Variants in DEF8 observed in about 807,000 individuals in gnomAD.
DEF8 encodes the protein differentially expressed in FDCP 8 homolog.
DEF8 carries 38 observed loss-of-function variants against 59.1 expected under a neutral mutation model. The observed-to-expected ratio is 0.64, with a 90% CI of 0.50 to 0.84. DEF8 has a LOEUF of 0.84. Among genes scored for constraint, DEF8 ranks in the 40% least tolerant of loss-of-function variants. The probability of loss-of-function intolerance (pLI) is 0.00; values close to 1 mark genes in which losing one functional copy is unlikely to be tolerated. For missense variants in DEF8, 557 were observed against 615.2 expected, an observed-to-expected ratio of 0.91 and a Z score of 1.00; for synonymous variants, 265 against 250.1, an observed-to-expected ratio of 1.06 and a Z score of -0.56.
Position 89,959,168 on chromosome 16 carries a change from C to G in DEF8, c.514+13C>G. On this transcript the variant is annotated intron_variant, in intron 6 of 12. Transcript: ENST00000563594. ...TACACCTGCACAGGTGGGCCGAGAC[C>G]CAGACGAGGAGTGAGGAATGAGAGA... 6.2e-7 allele frequency: 1 copy of G among 1,613,894 alleles called. No homozygotes were observed. The highest frequency in any genetic ancestry group is 8.5e-7 in the Non-Finnish European group (1 of 1,180,030).
Position 89,955,246 on chromosome 16 carries a change from G to T in DEF8, c.202G>T (p.Asp68Tyr). 3 of 1,613,524 alleles carry T rather than the reference G, an allele frequency of 1.9e-6. No individual in the cohort carries two copies. Among genetic ancestry groups the T allele is most frequent in the Non-Finnish European group, 8.5e-7 (1 of 1,179,828 alleles). The change falls in exon 4 of 13, where the codon GAC becomes TAC. Residue 68 changes from aspartate (D) to tyrosine (Y), a missense_variant. Physicochemically the swap from Asp to Tyr is radical, Grantham distance 160. Transcript: ENST00000563594. ...ERVMDLGLSE[D>Y]HFSRPVGLFL... ...CGTGATGGATCTCGGCCTGTCTGAG[G>T]ACCACTTCTCCCGCCCTGTGGTAAG... is the stretch of plus-strand genomic sequence containing the variant.
rs372120789 is a variant in DEF8, at chr16:89,955,208, G to A, written c.164G>A (p.Arg55His). 32 of 1,613,688 alleles carry A rather than the reference G, an allele frequency of 2.0e-5. No individual in the cohort carries two copies. Among genetic ancestry groups the A allele is most frequent in the African/African-American group, 1.7e-4 (13 of 74,988 alleles). The change falls in exon 4 of 13, where the codon CGC (arginine) becomes CAC (histidine). Residue 55 changes from arginine (R) to histidine (H), a missense_variant. By Grantham distance (29) the Arg-to-His change is conservative (BLOSUM62 0). Coordinates refer to ENST00000563594, the MANE Select transcript of DEF8 (RefSeq NM_001242818.2). ...CTGCCCCCTGGGGAGCCGGAATTCC[G>A]CTGCCCTGAACGCGTGATGGATCTC... is the stretch of plus-strand genomic sequence containing the variant. ...PELPPGEPEF[R>H]CPERVMDLGL...
rs2151231125 is a variant in DEF8, at chr16:89,966,683, C to T, written c.*720C>T. 1 of 152,726 alleles carries T rather than the reference C, an allele frequency of 6.5e-6. No homozygotes were observed. The highest frequency in any genetic ancestry group is 3.4e-3 in the Middle Eastern group (1 of 292). 9.5% of individuals were successfully genotyped at this position (152,726 alleles called of 1,614,324 possible). On this transcript the variant is annotated 3_prime_UTR_variant, in exon 13 of 13. Coordinates refer to ENST00000563594, the MANE Select transcript of DEF8 (RefSeq NM_001242818.2). ...CCCTGCTGGGTGCTCCTGCTTTGGC[C>T]CAGCCCACCTTTCCTGGTGCTCCAA...
At chr16:89,958,772 TGCAAGGGATGCTGGGAAAGGTC>T (rs998603236) in intron 5 of DEF8, among the ~76,000 whole-genome samples, 3 of 152,184 alleles carry the variant, frequency 2.0e-5, no homozygotes, top group Non-Finnish European at 4.4e-5. Flanking sequence ...AGCCCCTCGC[TGCAAGGGATGCTGGGAAAGGTC>T]GCAAGGGATG....
Position 89,967,542 on chromosome 16 carries a change from C to A in DEF8, c.*1579C>A. The stretch of plus-strand genomic sequence containing the variant: ...GTGGAACGGTGAGCAGGGAACATGT[C>A]GGAGTCCTTCAGAGAATGTGATGTG... On this transcript the variant is annotated 3_prime_UTR_variant, in exon 13 of 13. Coordinates refer to ENST00000563594, the MANE Select transcript of DEF8 (RefSeq NM_001242818.2). The A allele has an allele frequency of 5.0e-6, 2 of 398,404 alleles. No individual in the cohort carries two copies. Among genetic ancestry groups the A allele is most frequent in the South Asian group, 2.6e-4 (2 of 7,662 alleles). 24.7% of individuals were successfully genotyped at this position (398,404 alleles called of 1,614,324 possible). A position where few individuals can be genotyped will look rare whatever the true frequency, so the allele number is the denominator to read the frequency against.
At position 89,957,536 on chromosome 16, in the gene DEF8, A is replaced by C; in HGVS notation, c.248A>C (p.Gln83Pro). Residue 83 changes from glutamine to proline, a missense_variant, in exon 5 of 13, where the codon CAG becomes CCG. Physicochemically the swap from Gln to Pro is moderately conservative, Grantham distance 76. Coordinates refer to ENST00000563594, the MANE Select transcript of DEF8 (RefSeq NM_001242818.2). ...PVGLFLASDVQQLRQAIEECK... is the reference protein window; with the variant it reads ...PVGLFLASDVPQLRQAIEECK... ...GGTCTGTTCCTGGCCTCTGACGTCC[A>C]GCAGCTGCGGCAGGCGATCGAGGAG... The C allele has an allele frequency of 1.3e-6, 2 of 1,592,624 alleles. No homozygotes were observed. Among genetic ancestry groups the C allele is most frequent in the African/African-American group, 1.3e-5 (1 of 74,708 alleles).
At position 89,966,285 on chromosome 16, in the gene DEF8, C is replaced by T. The variant is rs56919818; in HGVS notation, c.*322C>T. The stretch of plus-strand genomic sequence containing the variant: ...CCCCCATGGCACAGAGCCCTCCACA[C>T]CCCTGGACCAGGGCATCCGGGCCCT... On this transcript the variant is annotated 3_prime_UTR_variant, in exon 13 of 13. Coordinates refer to ENST00000563594, the MANE Select transcript of DEF8 (RefSeq NM_001242818.2). 3,574 of 228,814 alleles carry T rather than the reference C, an allele frequency of 0.016. 39 individuals are homozygous for T. Among genetic ancestry groups the T allele is most frequent in the African/African-American group, 0.037 (1,643 of 44,016 alleles). The allele number at this position is 228,814 out of a possible 1,614,324, so 14.2% of individuals were successfully genotyped here.
chr16:89,949,570 C>T (rs750808131), intron 2 of DEF8, 57 bp downstream of exon 2: 5 of 1,613,242 alleles, frequency 3.1e-6, no homozygotes, highest in South Asian at 1.1e-5. Context: ...CTCAGGTTCT[C>T]GGGGTGGCAG....
chr16:89,960,265 T>C (rs973997562), intron 6 of DEF8, among the ~76,000 whole-genome samples: 3 of 151,960 alleles, frequency 2.0e-5, no homozygotes, highest in Non-Finnish European at 4.4e-5. Context: ...GGGGGATGAC[T>C]CTGATTGGGC....
At position 89,957,636 on chromosome 16, in the gene DEF8, C is replaced by T; in HGVS notation, c.348C>T (p.Leu116=). The T allele has an allele frequency of 6.4e-7, 1 of 1,568,070 alleles. No homozygotes were observed. The highest frequency in any genetic ancestry group is 1.7e-4 in the Middle Eastern group (1 of 5,824). Residue 116 remains leucine (L), a synonymous_variant, in exon 5 of 13, where the codon CTC becomes CTT. Transcript: ENST00000563594. ...ATGCCGTGGTGCGACTCATCCACCT[C>T]CGGCTGAAGCTCCAGGAGCTGAAGG... ...QKDAVVRLIH[L]RLKLQELKDP...
chr16:89,961,872 T>TTGGAAGGTGGGGGC lies in DEF8; in HGVS notation c.807+9_807+22dup, dbSNP rs2151203070. 1 of 1,596,706 alleles carries TTGGAAGGTGGGGGC rather than the reference T, an allele frequency of 6.3e-7. No homozygotes were observed. The highest frequency in any genetic ancestry group is 2.2e-5 in the East Asian group (1 of 44,636). On this transcript the variant is annotated intron_variant, in intron 8 of 12. Transcript: ENST00000563594. ...GACTTTGAGCCTCGAAAGGTGGGGGTTGGAAGGTGGGGGCATCCCCCTGGG... is the reference window on the plus strand; with the variant it reads ...GACTTTGAGCCTCGAAAGGTGGGGGTTGGAAGGTGGGGGCTGGAAGGTGGGGGCATCCCCCTGGG...
chr16:89,962,774 T>G (rs1388801382), intron 9 of DEF8, among the ~76,000 whole-genome samples: 3 of 152,288 alleles, frequency 2.0e-5, no homozygotes, highest in African/African-American at 7.2e-5. Flanking sequence ...ATATTTGCTT[T>G]CTTTTTCTTT....
At chr16:89,963,777 GA>G in intron 10 of DEF8, 1 of 492,338 alleles carries the variant, frequency 2.0e-6, no homozygotes, top group Non-Finnish European at 3.7e-6. Flanking sequence ...CTGGAACAGT[GA>G]ACGAAACAGA....
chr16:89,960,835 G>T (rs2033933358), intron 6 of DEF8, 96 bp from the exon 7 acceptor site: 2 of 1,344,136 alleles, frequency 1.5e-6, no homozygotes, highest in Non-Finnish European at 2.1e-6. Flanking sequence ...GGGCCTCAGA[G>T]TGGAACCCAC....
At chr16:89,948,870 C>T (rs1476082200) in intron 1 of DEF8, 56 bp downstream of exon 1, 2 of 415,526 alleles carry the variant, frequency 4.8e-6, no homozygotes, top group South Asian at 1.0e-4. Flanking sequence ...CCGGCGGGGA[C>T]GGGGCCGGCG....
chr16:89,954,193 G>GT lies in DEF8; in HGVS notation c.-10-49dup. On this transcript the variant is annotated intron_variant, in intron 2 of 12. Coordinates refer to ENST00000563594, the MANE Select transcript of DEF8 (RefSeq NM_001242818.2). The surrounding 1 kb of genome is among the most constrained non-coding windows in gnomAD (Gnocchi z 4.3). ...TGTGGTTGGGGAAAGGGGGTGGTCC[G>GT]TGGTGAGCCTGGTACCTGGGGACTC... is the stretch of plus-strand genomic sequence containing the variant. 3 of 1,592,802 alleles carry GT rather than the reference G, an allele frequency of 1.9e-6. No homozygotes were observed. The highest frequency in any genetic ancestry group is 2.6e-6 in the Non-Finnish European group (3 of 1,169,508).
intron 1 of DEF8, 86 bp from the exon 2 acceptor site, chr16:89,949,331 G>T: frequency 9.0e-7 from 1 of 1,106,036 alleles, no homozygotes; most frequent in Non-Finnish European, 1.3e-6. Context: ...GGAGAGACCT[G>T]CCCCCGAGGA....
chr16:89,963,172 C>T (rs143207147), intron 9 of DEF8, among the ~76,000 whole-genome samples, 191 bp from the exon 10 acceptor site: 2 of 152,290 alleles, frequency 1.3e-5, no homozygotes, highest in East Asian at 1.9e-4. Context: ...TTCTGGACCA[C>T]GGTAAGTGAG....
rs2034583684 is a variant in DEF8, at chr16:89,966,048, C to G, written c.*85C>G. ...AAGTTGTTCCTTCTGCTCCGGAGACCCCTGGGGTGCGGCCCTGGCCCCCTC... is the reference window on the plus strand; with the variant it reads ...AAGTTGTTCCTTCTGCTCCGGAGACGCCTGGGGTGCGGCCCTGGCCCCCTC... On this transcript the variant is annotated 3_prime_UTR_variant, in exon 13 of 13. Coordinates refer to ENST00000563594, the MANE Select transcript of DEF8 (RefSeq NM_001242818.2). The G allele has an allele frequency of 4.5e-6, 5 of 1,099,092 alleles. No homozygotes were observed. Among genetic ancestry groups the G allele is most frequent in the South Asian group, 1.4e-5 (1 of 71,148 alleles). The allele number at this position is 1,099,092 out of a possible 1,614,324, so 68.1% of individuals were successfully genotyped here.
Sources: allele counts gnomAD v4.1 joint callset (sites outside exome capture counted in the v4.1 genomes callset), GRCh38; gene constraint gnomAD v4.1.1; non-coding constraint Gnocchi (gnomAD v3.1); transcripts MANE v1.5; gene names NCBI Gene and HGNC (gene_info 2026-07-23, HGNC 2026-07-21).